Variants in CTNNBL1 observed in about 807,000 individuals in gnomAD.
CTNNBL1 encodes beta-catenin-like protein 1.
CTNNBL1 carries 31 observed loss-of-function variants against 72.7 expected under a neutral mutation model. The observed-to-expected ratio is 0.43, with a 90% confidence interval of 0.32 to 0.58. The LOEUF (loss-of-function observed/expected upper bound fraction) is 0.58, where lower values mean the gene tolerates loss of function less well. Among genes scored for constraint, CTNNBL1 ranks in the 20% least tolerant of loss-of-function variants. The probability of loss-of-function intolerance (pLI) is 0.08; values close to 1 mark genes in which losing one functional copy is unlikely to be tolerated. For missense variants in CTNNBL1, 534 were observed against 725.1 expected (o/e 0.74, Z 3.03); for synonymous variants, 240 against 267.3 (o/e 0.90, Z 1.00).
chr20:37,831,089 T>C (rs2072205184), intron 11 of CTNNBL1, among the ~76,000 whole-genome samples: 1 of 152,234 alleles, frequency 6.6e-6, no homozygotes, highest in African/African-American at 2.4e-5. Flanking sequence ...CCACCAACTT[T>C]ACCACTGAAA....
chr20:37,792,287 G>C (rs1207971424), intron 10 of CTNNBL1, among the ~76,000 whole-genome samples: 3 of 151,796 alleles, frequency 2.0e-5, no homozygotes, highest in Non-Finnish European at 4.4e-5. Flanking sequence ...AGTGATTTCT[G>C]CTCTGGTCAG....
intron 13 of CTNNBL1, among the ~76,000 whole-genome samples, chr20:37,851,368 A>G (rs983796866): frequency 2.0e-5 from 3 of 150,876 alleles, no homozygotes; most frequent in African/African-American, 7.3e-5. Context: ...TTGCTGATGT[A>G]GCTATAGATT....
At chr20:37,866,469 G>A (rs1352174059) in intron 15 of CTNNBL1, among the ~76,000 whole-genome samples, 1 of 152,252 alleles carries the variant, frequency 6.6e-6, no homozygotes, top group African/African-American at 2.4e-5. Context: ...GCATCTGTAA[G>A]ATGGGGAGAA....
intron 1 of CTNNBL1, among the ~76,000 whole-genome samples, chr20:37,698,928 C>T (rs1253826592): frequency 6.6e-6 from 1 of 152,048 alleles, no homozygotes; most frequent in Non-Finnish European, 1.5e-5. Context: ...TGTCTGTGGT[C>T]CCAGCTACTT....
intron 5 of CTNNBL1, among the ~76,000 whole-genome samples, chr20:37,764,091 T>C (rs2073441847): frequency 6.6e-6 from 1 of 152,150 alleles, no homozygotes; most frequent in Admixed American, 6.5e-5. Context: ...AACCTTCTGC[T>C]TGATTCTTTG....
At chr20:37,778,110 C>G (rs1255473385) in intron 9 of CTNNBL1, among the ~76,000 whole-genome samples, 1 of 151,918 alleles carries the variant, frequency 6.6e-6, no homozygotes, top group Non-Finnish European at 1.5e-5. Context: ...TGAATAAGCT[C>G]AAGGAGTACA....
intron 10 of CTNNBL1, among the ~76,000 whole-genome samples, chr20:37,788,809 T>G (rs925066110): frequency 3.3e-5 from 5 of 152,222 alleles, no homozygotes; most frequent in African/African-American, 9.7e-5. Context: ...CTCTGAGCTT[T>G]CATTTCCAGG....
intron 10 of CTNNBL1, among the ~76,000 whole-genome samples, chr20:37,793,510 CT>C (rs2073744334): frequency 6.6e-6 from 1 of 152,148 alleles, no homozygotes; most frequent in Admixed American, 6.5e-5. Flanking sequence ...AACTGTGACC[CT>C]CTCCCCACCA....
intron 11 of CTNNBL1, among the ~76,000 whole-genome samples, chr20:37,827,566 C>A (rs1192665317): frequency 6.6e-6 from 1 of 152,240 alleles, no homozygotes; most frequent in Non-Finnish European, 1.5e-5. Context: ...TTCTCTACAG[C>A]AGACTTCCCT....
chr20:37,709,073 G>C (rs1018263139), intron 1 of CTNNBL1, among the ~76,000 whole-genome samples: 2 of 151,980 alleles, frequency 1.3e-5, no homozygotes, highest in Non-Finnish European at 2.9e-5. Context: ...GGAGGTGGAG[G>C]GTGCAGTGAG....
intron 1 of CTNNBL1, among the ~76,000 whole-genome samples, chr20:37,723,949 C>A (rs916148418): frequency 5.3e-5 from 8 of 152,190 alleles, no homozygotes; most frequent in African/African-American, 1.9e-4. Context: ...AAAATGTCAC[C>A]AGTGAATGTG....
intron 5 of CTNNBL1, among the ~76,000 whole-genome samples, chr20:37,763,847 A>C (rs923536705): frequency 6.6e-6 from 1 of 152,214 alleles, no homozygotes; most frequent in Admixed American, 6.5e-5. Context: ...AGATGTGAGA[A>C]TTACATGAGG....
At chr20:37,723,074 C>G (rs962740887) in intron 1 of CTNNBL1, among the ~76,000 whole-genome samples, 2 of 152,230 alleles carry the variant, frequency 1.3e-5, no homozygotes, top group Non-Finnish European at 2.9e-5. Context: ...ATTCAGCTTT[C>G]TGATGTAGCT....
At chr20:37,815,076 A>AGTGAGTGTGTGT (rs1555830917) in intron 11 of CTNNBL1, among the ~76,000 whole-genome samples, 1 of 147,282 alleles carries the variant, frequency 6.8e-6, no homozygotes, top group Non-Finnish European at 1.5e-5. Context: ...GGACTCTGTG[A>AGTGAGTGTGTGT]GTGTGTGTGT....
At chr20:37,789,271 T>A (rs1447974321) in intron 10 of CTNNBL1, among the ~76,000 whole-genome samples, 2 of 152,178 alleles carry the variant, frequency 1.3e-5, no homozygotes, top group Admixed American at 1.3e-4. Context: ...AAATGCTCCT[T>A]TGTGCATCGG....
At chr20:37,708,695 A>T (rs2072911338) in intron 1 of CTNNBL1, among the ~76,000 whole-genome samples, 1 of 152,174 alleles carries the variant, frequency 6.6e-6, no homozygotes. Context: ...CCTGGAGTTC[A>T]GTGAAGGATC....
chr20:37,825,396 C>T lies in CTNNBL1; in HGVS notation c.1214-14706C>T, dbSNP rs186051660. Among the ~76,000 whole-genome samples the T allele has an allele frequency of 1.3e-3, 204 of 151,684 alleles. 2 individuals are homozygous for T. Among genetic ancestry groups the T allele is most frequent in the African/African-American group, 4.7e-3 (195 of 41,362 alleles). ...ATAAAATAAAAAGAGAAACTGAGGC[C>T]GGGCGTGACGGCTCACGCCTGTAAT... On this transcript the variant is annotated intron_variant, in intron 11 of 15. Coordinates refer to ENST00000361383, the MANE Select transcript of CTNNBL1 (RefSeq NM_030877.5).
chr20:37,727,367 TC>T, intron 1 of CTNNBL1: 6 of 982,654 alleles, frequency 6.1e-6, no homozygotes, highest in Non-Finnish European at 7.3e-6. Context: ...AGTAAAGGCA[TC>T]TATCTATTAT....
At chr20:37,815,315 CTT>C (rs778453405) in intron 11 of CTNNBL1, among the ~76,000 whole-genome samples, 6 of 139,010 alleles carry the variant, frequency 4.3e-5, no homozygotes, top group Admixed American at 7.2e-5. Flanking sequence ...TTGGCTCCTC[CTT>C]TTTTTTTTTT....
Sources: gnomAD v4.1 joint callset for allele counts (sites outside exome capture counted in the v4.1 genomes callset) on GRCh38, gnomAD v4.1.1 for gene constraint, MANE v1.5 for transcripts, NCBI Gene and HGNC (gene_info 2026-07-23, HGNC 2026-07-21) for gene names.